FBRSL1: variants seen among roughly 807,000 people sequenced by gnomAD.
FBRSL1 encodes fibrosin like 1, also known as fibrosin-1-like protein.
A neutral mutation model predicts 89.6 loss-of-function variants in FBRSL1; 51 were observed. The ratio of observed to expected loss-of-function variants is 0.57; its 90% CI spans 0.45 to 0.72. The LOEUF (loss-of-function observed/expected upper bound fraction) is 0.72, where lower values mean the gene tolerates loss of function less well. FBRSL1 is among the 30% of genes least tolerant of loss of function. The probability of loss-of-function intolerance (pLI) is 0.00; values close to 1 mark genes in which losing one functional copy is unlikely to be tolerated. For missense variants in FBRSL1, 1,618 were observed against 1,451.8 expected (o/e 1.11, Z -1.86); for synonymous variants, 779 against 681.1 (o/e 1.14, Z -2.24).
intron 1 of FBRSL1, among the ~76,000 whole-genome samples, chr12:132,493,169 CG>C (rs2031384744): frequency 6.6e-6 from 1 of 152,226 alleles, no homozygotes; most frequent in Admixed American, 6.5e-5. Context: ...CGCTGCCCTG[CG>C]AGGCCACCCA....
chr12:132,578,918 CAGAA>C (rs1418882093), intron 15 of FBRSL1, among the ~76,000 whole-genome samples: 2 of 152,266 alleles, frequency 1.3e-5, no homozygotes, highest in African/African-American at 2.4e-5. Flanking sequence ...CTGGCTTTCT[CAGAA>C]AGCAGAAGTC....
intron 5 of FBRSL1, among the ~76,000 whole-genome samples, chr12:132,558,226 C>T (rs1451255561): frequency 6.6e-6 from 1 of 152,242 alleles, no homozygotes; most frequent in Non-Finnish European, 1.5e-5. Context: ...GGAGCGGCCC[C>T]ATCCCCATCT....
At chr12:132,507,602 G>A (rs2033837629) in intron 1 of FBRSL1, among the ~76,000 whole-genome samples, 1 of 152,124 alleles carries the variant, frequency 6.6e-6, no homozygotes, top group South Asian at 2.1e-4. Flanking sequence ...TAGCCCAAAG[G>A]TGAACACGGG....
Position 132,494,908 on chromosome 12 carries a change from C to G in FBRSL1, c.291+4047C>G, listed in dbSNP as rs538044710. 2.1e-3 allele frequency among the ~76,000 whole-genome samples: 314 copies of G among 152,348 alleles called. 2 individuals are homozygous for G. Among genetic ancestry groups the G allele is most frequent in the African/African-American group, 7.2e-3 (301 of 41,576 alleles). On this transcript the variant is annotated intron_variant, in intron 1 of 18. Transcript: ENST00000680143. ...CTCAGCATAAACCACAGGACATGCACCCAAAATGCTGCTGAACCTGCACAG... is the reference window on the plus strand; with the variant it reads ...CTCAGCATAAACCACAGGACATGCAGCCAAAATGCTGCTGAACCTGCACAG...
At chr12:132,529,525 C>T (rs1321542976) in intron 4 of FBRSL1, among the ~76,000 whole-genome samples, 1 of 152,110 alleles carries the variant, frequency 6.6e-6, no homozygotes, top group African/African-American at 2.4e-5. Context: ...GCCCTGGGCT[C>T]AGCTCTACCA....
intron 11 of FBRSL1, among the ~76,000 whole-genome samples, chr12:132,573,217 A>G (rs2040161407): frequency 6.6e-6 from 1 of 152,160 alleles, no homozygotes; most frequent in Non-Finnish European, 1.5e-5. Flanking sequence ...TGTGGGCCTC[A>G]GGTTCTGAAG....
rs1025139881 is a variant in FBRSL1 at position 132,499,398 on chromosome 12, G to A, written c.291+8537G>A. On this transcript the variant is annotated intron_variant, in intron 1 of 18. Coordinates refer to ENST00000680143, the MANE Select transcript of FBRSL1 (RefSeq NM_001367871.1). This position sits in a 1 kb window ranked among gnomAD's most constrained non-coding sequence, Gnocchi z 4.3. ...GCAGGGAAGGGTTCTGAGCTGTTCTGCTTTCCCTGACAGACTTTATAAGCA... is the reference window on the plus strand; with the variant it reads ...GCAGGGAAGGGTTCTGAGCTGTTCTACTTTCCCTGACAGACTTTATAAGCA... 6.6e-6 allele frequency among the ~76,000 whole-genome samples: 1 copy of A among 152,178 alleles called. No individual in the cohort carries two copies. Among genetic ancestry groups the A allele is most frequent in the Non-Finnish European group, 1.5e-5 (1 of 68,020 alleles).
rs997114993 is a variant in FBRSL1 at position 132,525,715 on chromosome 12, G to A, written c.490-19G>A. ...GTGAGGTGGGGGTTTGCCTGAGACA[G>A]TGTCTCTCTCTGTCCCAGATGAAGG... On this transcript the variant is annotated intron_variant, in intron 2 of 18. Coordinates refer to ENST00000680143, the MANE Select transcript of FBRSL1 (RefSeq NM_001367871.1). 20 of 1,539,358 alleles carry A rather than the reference G, an allele frequency of 1.3e-5. No individual in the cohort carries two copies. Among genetic ancestry groups the A allele is most frequent in the Non-Finnish European group, 1.8e-5 (20 of 1,137,358 alleles).
intron 5 of FBRSL1, among the ~76,000 whole-genome samples, chr12:132,561,555 G>A (rs529906091): frequency 1.3e-5 from 2 of 152,296 alleles, no homozygotes; most frequent in Admixed American, 6.5e-5. Flanking sequence ...GGCTAAGCTG[G>A]CTTCTCCTCC....
At chr12:132,535,372 T>G (rs2036622328) in intron 4 of FBRSL1, among the ~76,000 whole-genome samples, 1 of 147,346 alleles carries the variant, frequency 6.8e-6, no homozygotes. Context: ...AAAAGGAGAG[T>G]GGATTTGAGA....
chr12:132,531,752 C>T (rs747433572), intron 4 of FBRSL1, among the ~76,000 whole-genome samples: 9 of 152,226 alleles, frequency 5.9e-5, no homozygotes, highest in Non-Finnish European at 1.0e-4. Context: ...GTGACTGGGG[C>T]CTCCAGCCTA....
intron 1 of FBRSL1, 60 bp downstream of exon 1, chr12:132,490,921 C>A: frequency 8.8e-7 from 1 of 1,134,652 alleles, no homozygotes; most frequent in Non-Finnish European, 1.1e-6. Context: ...GGAGTTGACG[C>A]GTCGGGCGAT....
intron 6 of FBRSL1, among the ~76,000 whole-genome samples, chr12:132,567,950 G>A (rs1040112929): frequency 6.6e-6 from 1 of 152,172 alleles, no homozygotes; most frequent in African/African-American, 2.4e-5. Flanking sequence ...CAGTGGAGGG[G>A]CCTGGATTGC....
intron 5 of FBRSL1, chr12:132,551,326 C>T (rs1368581806): frequency 1.1e-5 from 5 of 443,690 alleles, no homozygotes; most frequent in South Asian, 7.8e-5. Flanking sequence ...GCTCACATGG[C>T]CTGGCTGCTC....
At chr12:132,517,963 G>T (rs550710861) in intron 2 of FBRSL1, among the ~76,000 whole-genome samples, 5 of 152,104 alleles carry the variant, frequency 3.3e-5, no homozygotes, top group Non-Finnish European at 4.4e-5. Context: ...CAGCCCAGGC[G>T]GCAAATGTGG....
intron 2 of FBRSL1, chr12:132,509,529 C>G: frequency 8.1e-7 from 1 of 1,234,958 alleles, no homozygotes. Context: ...ACTCCCAGGC[C>G]CCAGGCAGTG....
Position 132,499,487 on chromosome 12 carries a change from A to G in FBRSL1, c.291+8626A>G, listed in dbSNP as rs890212857. Reference sequence around the variant, plus strand: ...CCCCCAAGATACACCCACAGGCCCCATTGCCAGTGAGTATTGGGATGGCAG... The same window carrying G: ...CCCCCAAGATACACCCACAGGCCCCGTTGCCAGTGAGTATTGGGATGGCAG... On this transcript the variant is annotated intron_variant, in intron 1 of 18. Coordinates refer to ENST00000680143, the MANE Select transcript of FBRSL1 (RefSeq NM_001367871.1). The surrounding 1 kb of genome is among the most constrained non-coding windows in gnomAD (Gnocchi z 4.3). 2.0e-5 allele frequency among the ~76,000 whole-genome samples: 3 copies of G among 152,226 alleles called. No homozygotes were observed. Among genetic ancestry groups the G allele is most frequent in the Admixed American group, 1.3e-4 (2 of 15,286 alleles).
chr12:132,548,881 C>T (rs569626173), intron 5 of FBRSL1, among the ~76,000 whole-genome samples: 3 of 152,316 alleles, frequency 2.0e-5, no homozygotes, highest in African/African-American at 7.2e-5. Flanking sequence ...ATGTGTGCGA[C>T]GATTCTCGCC....
chr12:132,562,418 A>G (rs2039206840), intron 5 of FBRSL1, among the ~76,000 whole-genome samples: 1 of 152,052 alleles, frequency 6.6e-6, no homozygotes, highest in Non-Finnish European at 1.5e-5. Flanking sequence ...CCTAGCTTCC[A>G]TCCGACCCGG....
Sources: allele counts gnomAD v4.1 joint callset (sites outside exome capture counted in the v4.1 genomes callset), GRCh38; gene constraint gnomAD v4.1.1; non-coding constraint Gnocchi (gnomAD v3.1); transcripts MANE v1.5; gene names NCBI Gene and HGNC (gene_info 2026-07-23, HGNC 2026-07-21).